The following TOGARAM2 variants were observed in gnomAD, a reference collection of about 807,000 sequenced individuals.
TOGARAM2 encodes TOG array regulator of axonemal microtubules protein 2.
In TOGARAM2, 85 loss-of-function variants were observed where a neutral mutation model predicts 93.3. The observed-to-expected ratio is 0.91, with a 90% confidence interval of 0.76 to 1.09. TOGARAM2 has a LOEUF of 1.09. TOGARAM2 is among the 50% of genes least tolerant of loss of function. The pLI is 0.00. For synonymous variants in TOGARAM2, 593 were observed against 552.8 expected (o/e 1.07, Z -1.02); for missense variants, 1,277 against 1,334.5 (o/e 0.96, Z 0.67).
At chr2:28,966,138 G>A (rs931274865) in intron 1 of TOGARAM2, among the ~76,000 whole-genome samples, 1 of 151,872 alleles carries the variant, frequency 6.6e-6, no homozygotes, top group Admixed American at 6.6e-5. Context: ...TTACAGGTGT[G>A]CGCCACCACG....
chr2:29,020,011 T>C (rs1240307031), intron 10 of TOGARAM2, among the ~76,000 whole-genome samples: 1 of 152,206 alleles, frequency 6.6e-6, no homozygotes, highest in Non-Finnish European at 1.5e-5. Context: ...ATTCTTCTGG[T>C]CACTGCGAGA....
intron 10 of TOGARAM2, among the ~76,000 whole-genome samples, chr2:29,021,538 T>G (rs1664945492): frequency 6.6e-6 from 1 of 152,198 alleles, no homozygotes; most frequent in African/African-American, 2.4e-5. Context: ...ATCTGTCTCC[T>G]GGGAAGGAGA....
intron 1 of TOGARAM2, among the ~76,000 whole-genome samples, chr2:28,986,056 T>C (rs1441889304): frequency 6.9e-6 from 1 of 145,758 alleles, no homozygotes; most frequent in Non-Finnish European, 1.5e-5. Flanking sequence ...GAGGTTGCAG[T>C]GAGCTGAGAT....
At chr2:29,011,558 T>C in intron 7 of TOGARAM2, 57 bp downstream of exon 7, 1 of 1,514,462 alleles carries the variant, frequency 6.6e-7, no homozygotes, top group African/African-American at 1.4e-5. Flanking sequence ...ATTCCTGGGC[T>C]GGGTCAGGGA....
At chr2:29,000,558 G>C (rs13017162) in intron 4 of TOGARAM2, among the ~76,000 whole-genome samples, 66,454 of 151,702 alleles carry the variant, frequency 0.44, 16,207 homozygotes, top group East Asian at 0.76. Context: ...TGAATCATAC[G>C]GGCTCTTTTC....
chr2:29,033,134 G>C, intron 15 of TOGARAM2, 83 bp downstream of exon 15: 1 of 1,022,314 alleles, frequency 9.8e-7, no homozygotes. Context: ...ATGTGGGTCA[G>C]GGGAGTGGGG....
chr2:29,024,778 C>T (rs1558447874), intron 13 of TOGARAM2, among the ~76,000 whole-genome samples: 2 of 152,176 alleles, frequency 1.3e-5, no homozygotes, highest in South Asian at 4.1e-4. Context: ...GACAGGGCTG[C>T]AGAGGCAGCC....
At chr2:28,963,600 C>T (rs936132345) in intron 1 of TOGARAM2, among the ~76,000 whole-genome samples, 19 of 152,194 alleles carry the variant, frequency 1.2e-4, no homozygotes, top group Non-Finnish European at 2.5e-4. Context: ...TGGTCTTGAA[C>T]TACTGGCTTC....
intron 7 of TOGARAM2, among the ~76,000 whole-genome samples, chr2:29,012,674 G>A (rs1049448107): frequency 5.9e-5 from 9 of 152,202 alleles, no homozygotes; most frequent in South Asian, 2.1e-4. Context: ...AGGTGAAGAA[G>A]TGACATAAAA....
At position 29,035,513 on chromosome 2, in the gene TOGARAM2, G is replaced by A. The variant is rs748718286; in HGVS notation, c.2275G>A (p.Gly759Ser). 5 of 1,546,540 alleles carry A rather than the reference G, an allele frequency of 3.2e-6. No homozygotes were observed. Among genetic ancestry groups the A allele is most frequent in the Non-Finnish European group, 3.5e-6 (4 of 1,145,830 alleles). Residue 759 changes from glycine to serine, a missense_variant, in exon 17 of 20, where the codon GGC (glycine) becomes AGC (serine). By Grantham distance (56) the Gly-to-Ser change is moderately conservative. Transcript: ENST00000379558. ...RLVGLRSTLQGRGEMVEQLRE... is the reference protein window; with the variant it reads ...RLVGLRSTLQSRGEMVEQLRE... ...GGTGGGGCTGCGCTCCACACTGCAG[G>A]GCCGCGGGGAGATGGTGGAGCAGCT... is the stretch of plus-strand genomic sequence containing the variant.
chr2:29,051,897 G>A lies in TOGARAM2; in HGVS notation c.2864G>A (p.Arg955Gln), dbSNP rs757455935. The change falls in exon 20 of 20, where the codon CGG becomes CAG. Residue 955 changes from arginine to glutamine, a missense_variant. Arg to Gln is a conservative substitution (Grantham distance 43). Coordinates refer to ENST00000379558, the MANE Select transcript of TOGARAM2 (RefSeq NM_199280.4). ...PSGNIRGVVC[R>Q]LSRSLQEHMG... ...GGGAACATCCGCGGGGTGGTGTGCC[G>A]GCTGTCCAGGAGCCTCCAGGAGCAC... The A allele has an allele frequency of 1.5e-5, 24 of 1,582,252 alleles. No individual in the cohort carries two copies. The South Asian group carries it at 2.0e-4, about 13-fold the overall frequency.
chr2:29,001,079 C>T (rs745748697), intron 4 of TOGARAM2, among the ~76,000 whole-genome samples: 1 of 152,202 alleles, frequency 6.6e-6, no homozygotes, highest in Non-Finnish European at 1.5e-5. Context: ...TCTCTGGCCC[C>T]CGGGCAGTGC....
intron 1 of TOGARAM2, among the ~76,000 whole-genome samples, chr2:28,974,188 C>T (rs143150275): frequency 5.0e-4 from 72 of 143,858 alleles, no homozygotes; most frequent in African/African-American, 1.8e-3. Context: ...AGTGCAGTGG[C>T]ACAATCTCAG....
At chr2:29,012,018 C>T (rs1664281036) in intron 7 of TOGARAM2, among the ~76,000 whole-genome samples, 1 of 152,176 alleles carries the variant, frequency 6.6e-6, no homozygotes, top group Non-Finnish European at 1.5e-5. Flanking sequence ...CCAGCTGGCC[C>T]CAGGAGCTTT....
In TOGARAM2 at chr2:29,034,996, A is replaced by C. The variant is rs536638891; in HGVS notation, c.2226-468A>C. Reference sequence around the variant, plus strand: ...GAAACCCTGTCTCTACTAAACATACAAAAATTAGCCGGGCATGGTGACACA... The same window carrying C: ...GAAACCCTGTCTCTACTAAACATACCAAAATTAGCCGGGCATGGTGACACA... On this transcript the variant is annotated intron_variant, in intron 16 of 19. Coordinates refer to ENST00000379558, the MANE Select transcript of TOGARAM2 (RefSeq NM_199280.4). Among the ~76,000 whole-genome samples, 19 of 152,186 alleles carry C rather than the reference A, an allele frequency of 1.2e-4. No individual in the cohort carries two copies. In the East Asian group the frequency reaches 3.7e-3, roughly 29 times the overall value.
intron 1 of TOGARAM2, among the ~76,000 whole-genome samples, chr2:28,964,214 A>G (rs1488660089): frequency 2.0e-5 from 3 of 152,102 alleles, no homozygotes; most frequent in Non-Finnish European, 2.9e-5. Flanking sequence ...TGCTGCATGT[A>G]TGTTATGCTT....
At position 29,033,512 on chromosome 2, in the gene TOGARAM2, A is replaced by G; in HGVS notation, c.2174A>G (p.Lys725Arg). The G allele has an allele frequency of 6.2e-7, 1 of 1,613,760 alleles. No homozygotes were observed. Among genetic ancestry groups the G allele is most frequent in the Non-Finnish European group, 8.5e-7 (1 of 1,179,820 alleles). ...NDELPSAKGRKVLRSLVVCEN... is the reference protein window; with the variant it reads ...NDELPSAKGRRVLRSLVVCEN... ...GAACTTCCCTCTGCCAAAGGCCGCA[A>G]GGTGTTGAGGAGTCTGGTGGTGTGT... Residue 725 changes from lysine (K) to arginine (R), a missense_variant, in exon 16 of 20, where the codon AAG (lysine) becomes AGG (arginine). Transcript: ENST00000379558.
intron 1 of TOGARAM2, among the ~76,000 whole-genome samples, chr2:28,993,761 A>G (rs1672855063): frequency 6.6e-6 from 1 of 152,100 alleles, no homozygotes; most frequent in Non-Finnish European, 1.5e-5. Flanking sequence ...GAGGGTTGCT[A>G]GGAGCTACTC....
chr2:29,006,436 G>A (rs1558425472), intron 6 of TOGARAM2, among the ~76,000 whole-genome samples: 2 of 149,686 alleles, frequency 1.3e-5, no homozygotes, highest in African/African-American at 4.9e-5. Context: ...GTGTGTGCAT[G>A]TGTGTGCATG....
Sources: allele counts gnomAD v4.1 joint callset (sites outside exome capture counted in the v4.1 genomes callset), GRCh38; gene constraint gnomAD v4.1.1; transcripts MANE v1.5; gene names NCBI Gene and HGNC (gene_info 2026-07-23, HGNC 2026-07-21).